Variants in BCL2L11 observed in about 807,000 individuals in gnomAD.
The protein encoded by BCL2L11 is bcl-2-like protein 11.
BCL2L11 carries 15 observed loss-of-function variants against 20.6 expected under a neutral mutation model. That is an observed-to-expected ratio of 0.73 (90% CI 0.49 to 1.12). The LOEUF is 1.12. BCL2L11 is among the 50% of genes most tolerant of loss of function. The pLI, the probability that BCL2L11 is intolerant of heterozygous loss-of-function variation, is 0.00. For synonymous variants in BCL2L11, 108 were observed against 92.8 expected (o/e 1.16, Z -0.94); for missense variants, 292 against 260.9 (o/e 1.12, Z -0.82).
chr2:111,152,753 C>A (rs1373513126), intron 3 of BCL2L11, among the ~76,000 whole-genome samples: 1 of 152,310 alleles, frequency 6.6e-6, no homozygotes, highest in Admixed American at 6.5e-5. Context: ...TAGCCTGCCT[C>A]CCCTCCTCTT....
chr2:111,150,273 G>A (rs1285099287), intron 3 of BCL2L11, 126 bp downstream of exon 3: 1 of 1,498,110 alleles, frequency 6.7e-7, no homozygotes, highest in African/African-American at 1.4e-5. Context: ...TTGCCTAGTT[G>A]TGACCTTTCA....
In BCL2L11 at chr2:111,128,532, A is replaced by G. The variant is rs930429855; in HGVS notation, c.394+4393A>G. 1.8e-5 allele frequency: 25 copies of G among 1,410,338 alleles called. No individual in the cohort carries two copies. The African/African-American group carries it at 3.5e-4, about 20-fold the overall frequency. The allele number at this position is 1,410,338 out of a possible 1,614,324, so 87.4% of individuals were successfully genotyped here. A position where few individuals can be genotyped will look rare whatever the true frequency, so the allele number is the denominator to read the frequency against. The stretch of plus-strand genomic sequence containing the variant: ...GGGGAACCATCATGCTGTTCTCCAT[A>G]GAGGCTGTGCCATTTTACATTCCCA... On this transcript the variant is annotated intron_variant, in intron 2 of 3. Coordinates refer to ENST00000393256, the MANE Select transcript of BCL2L11 (RefSeq NM_138621.5).
At chr2:111,155,768 A>G (rs1022211142) in intron 3 of BCL2L11, among the ~76,000 whole-genome samples, 4 of 152,214 alleles carry the variant, frequency 2.6e-5, no homozygotes, top group Non-Finnish European at 4.4e-5. Context: ...GCCAGCAGTG[A>G]ATAAAAACCC....
At chr2:111,139,596 C>G (rs1287422947) in intron 2 of BCL2L11, among the ~76,000 whole-genome samples, 4 of 152,142 alleles carry the variant, frequency 2.6e-5, no homozygotes, top group Non-Finnish European at 4.4e-5. Flanking sequence ...CATTGATAAT[C>G]AAAATTTTGA....
intron 2 of BCL2L11, among the ~76,000 whole-genome samples, chr2:111,129,276 G>A (rs569203780): frequency 3.9e-5 from 6 of 152,282 alleles, no homozygotes; most frequent in East Asian, 1.9e-4. Context: ...TCCCAGCTCT[G>A]TCTCTGAAAC....
At chr2:111,147,346 TCACACA>T (rs70962921) in intron 2 of BCL2L11, among the ~76,000 whole-genome samples, 14,791 of 136,950 alleles carry the variant, frequency 0.11, 978 homozygotes, top group East Asian at 0.22. Flanking sequence ...TCTCTCTCTC[TCACACA>T]CACACACACA....
chr2:111,145,498 T>C (rs554616457), intron 2 of BCL2L11, among the ~76,000 whole-genome samples: 18 of 152,234 alleles, frequency 1.2e-4, no homozygotes, highest in African/African-American at 4.1e-4. Context: ...AATCTCTCTT[T>C]TTTTAAAAAA....
At chr2:111,157,849 C>T (rs144465099) in intron 3 of BCL2L11, among the ~76,000 whole-genome samples, 68 of 152,352 alleles carry the variant, frequency 4.5e-4, no homozygotes, top group Middle Eastern at 3.4e-3. Context: ...TCAGCTGCAG[C>T]ACCCATAGCT....
At chr2:111,128,638 G>C in intron 2 of BCL2L11, 2 of 1,518,716 alleles carry the variant, frequency 1.3e-6, no homozygotes, top group Non-Finnish European at 1.8e-6. Flanking sequence ...AGTCATCCTA[G>C]AGGATATAGG....
At chr2:111,144,080 G>A (rs1056514830) in intron 2 of BCL2L11, among the ~76,000 whole-genome samples, 1 of 152,164 alleles carries the variant, frequency 6.6e-6, no homozygotes, top group African/African-American at 2.4e-5. Flanking sequence ...GGCAGTGCAC[G>A]TTGAAAGAGT....
chr2:111,126,407 G>A (rs902507765), intron 2 of BCL2L11, among the ~76,000 whole-genome samples: 1 of 152,122 alleles, frequency 6.6e-6, no homozygotes, highest in Non-Finnish European at 1.5e-5. Flanking sequence ...TCAGTAGATG[G>A]TGTGATGAAG....
intron 2 of BCL2L11, among the ~76,000 whole-genome samples, chr2:111,136,115 G>C (rs2074839339): frequency 6.6e-6 from 1 of 152,202 alleles, no homozygotes; most frequent in Non-Finnish European, 1.5e-5. Context: ...TGTTTGGCTA[G>C]AGTAGGGCAG....
rs953021082 is a variant in BCL2L11, at chr2:111,146,172, C to T, written c.395-3872C>T. ...ATTTTCTGTGGGTAAAAATGCAGCT[C>T]ATCAGAATTTCCCCTTTGAAGAATT... On this transcript the variant is annotated intron_variant, in intron 2 of 3. Transcript: ENST00000393256. 14 of 985,082 alleles carry T rather than the reference C, an allele frequency of 1.4e-5. 1 individual carries two copies. Among genetic ancestry groups the T allele is most frequent in the South Asian group, 9.4e-5 (2 of 21,282 alleles). The allele number at this position is 985,082 out of a possible 1,614,324, so 61.0% of individuals were successfully genotyped here.
chr2:111,122,074 GT>G (rs1574842263), intron 1 of BCL2L11, among the ~76,000 whole-genome samples: 2 of 152,348 alleles, frequency 1.3e-5, no homozygotes, highest in East Asian at 1.9e-4. Context: ...TTACTCGATG[GT>G]CGCGGACGTG....
chr2:111,127,819 T>C (rs2073006679), intron 2 of BCL2L11, among the ~76,000 whole-genome samples: 1 of 152,154 alleles, frequency 6.6e-6, no homozygotes, highest in Non-Finnish European at 1.5e-5. Context: ...GCTGTCATTA[T>C]TGATACACAC....
intron 2 of BCL2L11, among the ~76,000 whole-genome samples, chr2:111,144,336 G>A (rs2076224193): frequency 6.6e-6 from 1 of 152,216 alleles, no homozygotes; most frequent in Non-Finnish European, 1.5e-5. Context: ...AATGATACAA[G>A]TGAGAAATAG....
intron 1 of BCL2L11, 73 bp from the exon 2 acceptor site, chr2:111,123,660 G>T (rs1156554619): frequency 1.5e-6 from 2 of 1,311,892 alleles, no homozygotes; most frequent in Non-Finnish European, 2.0e-6. Context: ...TAATCGCTAG[G>T]TGAGAGCTAA....
chr2:111,153,975 G>A (rs2077533039), intron 3 of BCL2L11: 14 of 1,409,350 alleles, frequency 9.9e-6, no homozygotes, highest in Middle Eastern at 2.3e-4. Context: ...TGAACCTGCC[G>A]GGCTGAACGG....
chr2:111,130,494 C>A (rs1390977802), intron 2 of BCL2L11, among the ~76,000 whole-genome samples: 4 of 152,174 alleles, frequency 2.6e-5, no homozygotes, highest in Non-Finnish European at 5.9e-5. Flanking sequence ...TTGCTGAACT[C>A]CTTAATTCTA....
Sources: allele counts gnomAD v4.1 joint callset (sites outside exome capture counted in the v4.1 genomes callset), GRCh38; gene constraint gnomAD v4.1.1; transcripts MANE v1.5; gene names NCBI Gene and HGNC (gene_info 2026-07-23, HGNC 2026-07-21).